The following FAM153A variants were observed in gnomAD, a reference collection of about 807,000 sequenced individuals.
FAM153A encodes the protein protein FAM153A.
FAM153A carries 12 observed loss-of-function variants against 48.1 expected under a neutral mutation model. The ratio of observed to expected loss-of-function variants is 0.25; its 90% confidence interval spans 0.16 to 0.40. FAM153A has a LOEUF of 0.40. Ranked by LOEUF, FAM153A falls within the 10% of genes least tolerant of loss-of-function variation. FAM153A has a pLI of 1.00. For missense variants in FAM153A, 111 were observed against 345.8 expected, an observed-to-expected ratio of 0.32 and a Z score of 5.38; for synonymous variants, 36 against 118.2, an observed-to-expected ratio of 0.30 and a Z score of 4.51.
At chr5:177,751,472 G>T (rs1351914790) in intron 1 of FAM153A, among the ~76,000 whole-genome samples, 1 of 108,792 alleles carries the variant, frequency 9.2e-6, no homozygotes, top group Non-Finnish European at 1.9e-5. Flanking sequence ...GTGCCACAAA[G>T]TGTTCAATTA....
At chr5:177,759,807 C>T (rs1768128461) in intron 1 of FAM153A, among the ~76,000 whole-genome samples, 1 of 148,096 alleles carries the variant, frequency 6.8e-6, no homozygotes, top group African/African-American at 2.5e-5. Flanking sequence ...CACACCGGGG[C>T]CTGTTGTGGG....
chr5:177,768,989 C>T (rs1485819148), intron 1 of FAM153A, among the ~76,000 whole-genome samples: 2 of 90,652 alleles, frequency 2.2e-5, no homozygotes, highest in East Asian at 6.8e-4. Flanking sequence ...TTTGGGAGGC[C>T]GAGGCGGGCA....
chr5:177,741,360 C>T (rs764787575), intron 6 of FAM153A, 28 bp from the exon 9 acceptor site: 1 of 500,708 alleles, frequency 2.0e-6, no homozygotes, highest in Non-Finnish European at 3.0e-6. Flanking sequence ...ATTGTCAGCA[C>T]GTTGGGTGCA....
chr5:177,781,211 G>A (rs1265497621), upstream of FAM153A, among the ~76,000 whole-genome samples: 1 of 116,750 alleles, frequency 8.6e-6, no homozygotes, highest in Non-Finnish European at 1.7e-5. Flanking sequence ...GCATTCTCCT[G>A]CCTCAGCCTC....
rs1769067409 is a variant in FAM153A at position 177,770,758 on chromosome 5, T to C, written c.-57+9691A>G. 2.0e-5 allele frequency among the ~76,000 whole-genome samples: 2 copies of C among 98,184 alleles called. 1 individual carries two copies. The highest frequency in any genetic ancestry group is 8.0e-5 in the African/African-American group (2 of 24,944). The allele number at this position is 98,184 out of a possible 152,430, so 64.4% of individuals were successfully genotyped here. ...AACTATGAACTTGGAGTGATTATAA[T>C]GTGTCAATGTAGGATCATCAGTTGT... On this transcript the variant is annotated intron_variant, in intron 1 of 8. Transcript: ENST00000393518.
the FAM153A span, among the ~76,000 whole-genome samples, chr5:177,697,324 C>T: frequency 1.5e-4 from 23 of 151,902 alleles, no homozygotes; most frequent in Admixed American, 6.5e-4. Context: ...GCTGGAATTA[C>T]GTATATCCTA....
upstream of FAM153A, among the ~76,000 whole-genome samples, chr5:177,781,264 A>ATTTTTTTTTTTTTTTTTT (rs1303137176): frequency 1.3e-5 from 1 of 75,308 alleles, no homozygotes. Context: ...ACGCCCGGCT[A>ATTTTTTTTTTTTTTTTTT]TTTTTTTTTT....
intron 2 of FAM153A, among the ~76,000 whole-genome samples, chr5:177,749,952 G>T (rs1168452226): frequency 1.4e-5 from 2 of 146,572 alleles, no homozygotes; most frequent in Non-Finnish European, 3.0e-5. Flanking sequence ...AAGAATGTGG[G>T]CAGCTTTATT....
At chr5:177,719,473 G>T (rs1418879227), downstream of FAM153A, among the ~76,000 whole-genome samples, 2 of 150,826 alleles carry the variant, frequency 1.3e-5, no homozygotes, top group Admixed American at 1.3e-4. Flanking sequence ...AAGGGAGGGA[G>T]GACACTGCAG....
At chr5:177,734,886 C>T (rs775140644) in exon 13 of FAM153A, 1 of 1,491,342 alleles carries the variant, frequency 6.7e-7, no homozygotes, top group Non-Finnish European at 9.2e-7. Context: ...GGGTCCTCCT[C>T]CTCACCGTTG....
rs186515316 is a variant in FAM153A, at chr5:177,711,580, G to A, written c.*2982C>T. Reference sequence around the variant, plus strand: ...AATTCCTCAAGGAGGAATATGGTGGGTGAGTTCTTATATATGTAACATTGA... The same window carrying A: ...AATTCCTCAAGGAGGAATATGGTGGATGAGTTCTTATATATGTAACATTGA... On this transcript the variant is annotated 3_prime_UTR_variant and NMD_transcript_variant, in exon 27 of 27. Coordinates refer to the FAM153A transcript ENST00000360669. 7.2e-5 allele frequency: 11 copies of A among 152,000 alleles called. No homozygotes were observed. In the East Asian group the frequency reaches 1.7e-3, roughly 24 times the overall value. The allele number at this position is 152,000 out of a possible 1,614,324, so 9.4% of individuals were successfully genotyped here.
chr5:177,760,993 A>G (rs1400692534), intron 1 of FAM153A, among the ~76,000 whole-genome samples: 4 of 151,712 alleles, frequency 2.6e-5, no homozygotes, highest in African/African-American at 9.7e-5. Flanking sequence ...CAGAAAAGAT[A>G]GCTTATTGGT....
At chr5:177,710,127 T>C (rs1482897295), downstream of FAM153A, among the ~76,000 whole-genome samples, 8 of 150,546 alleles carry the variant, frequency 5.3e-5, no homozygotes, top group South Asian at 2.1e-4. Flanking sequence ...TTTTTTTTTT[T>C]CCCTGAGACG....
chr5:177,713,274 G>GTT (rs1758826970), intron 26 of FAM153A: 2 of 124,200 alleles, frequency 1.6e-5, no homozygotes, highest in Non-Finnish European at 3.5e-5. Flanking sequence ...TTTTTTTTGA[G>GTT]GAGTCTCGCT....
At chr5:177,725,609 G>A (rs1762261201) in intron 18 of FAM153A, among the ~76,000 whole-genome samples, 1 of 151,586 alleles carries the variant, frequency 6.6e-6, no homozygotes, top group Non-Finnish European at 1.5e-5. Context: ...AAGACTAGGA[G>A]GGAAGGTACC....
chr5:177,706,191 T>A (rs1757871968), downstream of FAM153A, among the ~76,000 whole-genome samples: 1 of 151,648 alleles, frequency 6.6e-6, no homozygotes, highest in South Asian at 2.1e-4. Flanking sequence ...AAAATATGTT[T>A]TTTTTGTTGT....
intron 9 of FAM153A, 97 bp from the exon 12 acceptor site, chr5:177,739,234 G>A: frequency 1.5e-6 from 2 of 1,347,218 alleles, no homozygotes; most frequent in Non-Finnish European, 2.1e-6. Context: ...AACCAGATGG[G>A]AAATTCTGGT....
downstream of FAM153A, among the ~76,000 whole-genome samples, chr5:177,706,085 CAA>C (rs1383285486): frequency 1.3e-5 from 2 of 151,696 alleles, no homozygotes; most frequent in South Asian, 2.1e-4. Flanking sequence ...CAATCCCTGT[CAA>C]AAGACTTTTT....
At chr5:177,703,314 G>GCTA (rs1309595540), downstream of FAM153A, among the ~76,000 whole-genome samples, 30 of 152,076 alleles carry the variant, frequency 2.0e-4, no homozygotes, top group East Asian at 5.6e-3. Context: ...TTTCAGACTT[G>GCTA]CATGGGGCCT....
Sources: allele counts gnomAD v4.1 joint callset (sites outside exome capture counted in the v4.1 genomes callset), GRCh38; gene constraint gnomAD v4.1.1; transcripts MANE v1.5; gene names NCBI Gene and HGNC (gene_info 2026-07-23, HGNC 2026-07-21).